ENTREP1: variants seen among roughly 807,000 people sequenced by gnomAD.
ENTREP1 encodes endosomal transmembrane epsin interactor 1, also known as Friedreich ataxia region gene X123.
the ENTREP1 span, among the ~76,000 whole-genome samples, chr9:69,332,848 G>A: frequency 6.6e-6 from 1 of 152,190 alleles, no homozygotes; most frequent in East Asian, 1.9e-4. Context: ...AAAGATATAT[G>A]TTCATAGATG....
the ENTREP1 span, among the ~76,000 whole-genome samples, chr9:69,339,069 G>A: frequency 6.6e-6 from 1 of 152,068 alleles, no homozygotes. Flanking sequence ...GCCCAGGCTG[G>A]AGTGTGGTGG....
At chr9:69,367,295 AT>A in the ENTREP1 span, among the ~76,000 whole-genome samples, 2,167 of 151,808 alleles carry the variant, frequency 0.014, 19 homozygotes, top group Non-Finnish European at 0.021. Context: ...AAGTCAGGTA[AT>A]GTGATGCCTC....
chr9:69,329,549 G>A, the ENTREP1 span: 1 of 985,210 alleles, frequency 1.0e-6, no homozygotes, highest in Non-Finnish European at 1.2e-6. Flanking sequence ...CTTGAAGGGA[G>A]AGTTTTTAAC....
At chr9:69,382,944 A>C in the ENTREP1 span, 3 of 871,204 alleles carry the variant, frequency 3.4e-6, no homozygotes, top group Non-Finnish European at 4.1e-6. Flanking sequence ...GTATTTTATA[A>C]ATTATTTTAA....
At chr9:69,342,602 C>G in the ENTREP1 span, among the ~76,000 whole-genome samples, 1 of 152,214 alleles carries the variant, frequency 6.6e-6, no homozygotes, top group East Asian at 1.9e-4. Flanking sequence ...TCAGTCCTAT[C>G]AATTTCAATC....
the ENTREP1 span, among the ~76,000 whole-genome samples, chr9:69,369,320 T>C: frequency 6.6e-6 from 1 of 152,202 alleles, no homozygotes; most frequent in Non-Finnish European, 1.5e-5. Context: ...TATAGTAGAA[T>C]GATTTATAAT....
At chr9:69,326,028 A>G in the ENTREP1 span, among the ~76,000 whole-genome samples, 2 of 152,132 alleles carry the variant, frequency 1.3e-5, no homozygotes, top group Non-Finnish European at 2.9e-5. Context: ...GTGGCAGGAA[A>G]GTGGGAGGAA....
the ENTREP1 span, among the ~76,000 whole-genome samples, chr9:69,343,888 A>G: frequency 1.3e-5 from 2 of 152,184 alleles, no homozygotes; most frequent in African/African-American, 2.4e-5. Flanking sequence ...TGGAATATGA[A>G]TTCTTTACTA....
chr9:69,375,875 C>G, the ENTREP1 span: 1 of 1,612,096 alleles, frequency 6.2e-7, no homozygotes, highest in Non-Finnish European at 8.5e-7. Context: ...GTACCTCAAA[C>G]AGATTCCCAC....
chr9:69,365,814 A>G, the ENTREP1 span, among the ~76,000 whole-genome samples: 4 of 152,098 alleles, frequency 2.6e-5, no homozygotes, highest in Non-Finnish European at 5.9e-5. Context: ...CCCTTAACAT[A>G]AGGGCCTCCA....
At chr9:69,388,724 G>A in the ENTREP1 span, among the ~76,000 whole-genome samples, 2 of 152,182 alleles carry the variant, frequency 1.3e-5, no homozygotes, top group African/African-American at 4.8e-5. Flanking sequence ...GTGCATCCTA[G>A]GAATAAAAGC....
chr9:69,388,190 C>T, the ENTREP1 span: 2 of 1,614,084 alleles, frequency 1.2e-6, no homozygotes, highest in Non-Finnish European at 1.7e-6. Flanking sequence ...AGCTGCAACA[C>T]AGACTGAAAG....
the ENTREP1 span, chr9:69,386,564 T>G: frequency 6.6e-6 from 1 of 152,148 alleles, no homozygotes; most frequent in Non-Finnish European, 1.5e-5. Flanking sequence ...TGTAGAAAAT[T>G]ATAAAAAATA....
chr9:69,347,783 T>C, the ENTREP1 span, among the ~76,000 whole-genome samples: 9 of 152,090 alleles, frequency 5.9e-5, no homozygotes, highest in African/African-American at 1.9e-4. Context: ...AAGAAAGTGG[T>C]TTTCTGTTGA....
At chr9:69,365,461 G>T in the ENTREP1 span, among the ~76,000 whole-genome samples, 367 of 152,176 alleles carry the variant, frequency 2.4e-3, no homozygotes, top group Admixed American at 4.8e-3. Context: ...ATCATATAAT[G>T]ATCAAATCAG....
chr9:69,366,096 A>G, the ENTREP1 span, among the ~76,000 whole-genome samples: 1 of 152,136 alleles, frequency 6.6e-6, no homozygotes, highest in Non-Finnish European at 1.5e-5. Flanking sequence ...TTTTTGAGGA[A>G]TCTCCATACT....
chr9:69,354,332 C>G, the ENTREP1 span, among the ~76,000 whole-genome samples: 1 of 146,082 alleles, frequency 6.8e-6, no homozygotes, highest in South Asian at 2.2e-4. Flanking sequence ...TCTTGGCTCA[C>G]GGCAACCTCT....
the ENTREP1 span, among the ~76,000 whole-genome samples, chr9:69,338,312 C>G: frequency 6.6e-6 from 1 of 152,174 alleles, no homozygotes; most frequent in Non-Finnish European, 1.5e-5. Context: ...TATTTGGTAA[C>G]AGGAATCTCC....
chr9:69,363,275 G>C, the ENTREP1 span, among the ~76,000 whole-genome samples: 1 of 152,116 alleles, frequency 6.6e-6, no homozygotes, highest in Non-Finnish European at 1.5e-5. Flanking sequence ...ATGATGCATT[G>C]GCTTCAGTAG....
Sources: allele counts gnomAD v4.1 joint callset (sites outside exome capture counted in the v4.1 genomes callset), GRCh38; gene constraint gnomAD v4.1.1; transcripts MANE v1.5; gene names NCBI Gene and HGNC (gene_info 2026-07-23, HGNC 2026-07-21).